CCDC3: variants seen among roughly 807,000 people sequenced by gnomAD.
CCDC3 encodes coiled-coil domain-containing protein 3.
A neutral mutation model predicts 21.4 loss-of-function variants in CCDC3; 24 were observed. That is an observed-to-expected ratio of 1.12 (90% CI 0.81 to 1.58). The LOEUF (loss-of-function observed/expected upper bound fraction) is 1.58. Ranked by LOEUF, CCDC3 falls within the 40% of genes most tolerant of loss-of-function variation. The pLI is 0.00. For missense variants in CCDC3, 425 were observed against 360.9 expected, an observed-to-expected ratio of 1.18 and a Z score of -1.44; for synonymous variants, 186 against 166.0, an observed-to-expected ratio of 1.12 and a Z score of -0.93.
At chr10:12,999,899 C>A (rs991200640) in intron 1 of CCDC3, among the ~76,000 whole-genome samples, 4 of 152,150 alleles carry the variant, frequency 2.6e-5, no homozygotes, top group African/African-American at 9.7e-5. Context: ...GTCTCACTGG[C>A]TTTATTTAGA....
intron 5 of CCDC3, among the ~76,000 whole-genome samples, chr10:13,046,967 A>C (rs960905629): frequency 2.8e-4 from 42 of 151,714 alleles, no homozygotes; most frequent in Non-Finnish European, 5.0e-4. Context: ...AAAAAAGAAG[A>C]AGCCAATCCA....
chr10:13,083,617 C>T (rs1837068621), intron 3 of CCDC3, among the ~76,000 whole-genome samples: 1 of 152,244 alleles, frequency 6.6e-6, no homozygotes, highest in South Asian at 2.1e-4. Context: ...TGCTCACAGG[C>T]ATGTCCCAGC....
At chr10:13,084,238 C>T (rs1477236851) in intron 3 of CCDC3, among the ~76,000 whole-genome samples, 1 of 151,988 alleles carries the variant, frequency 6.6e-6, no homozygotes, top group African/African-American at 2.4e-5. Context: ...GAACGCCCTA[C>T]CCTGTCTATG....
At chr10:13,018,955 C>T (rs914805326) in intron 5 of CCDC3, among the ~76,000 whole-genome samples, 10 of 151,644 alleles carry the variant, frequency 6.6e-5, no homozygotes, top group Non-Finnish European at 1.5e-4. Flanking sequence ...GAAAAAAGGC[C>T]GGGCGCAGTG....
intron 2 of CCDC3, among the ~76,000 whole-genome samples, chr10:12,923,659 C>T (rs1368389657): frequency 6.6e-6 from 1 of 152,128 alleles, no homozygotes; most frequent in Admixed American, 6.5e-5. Context: ...GCGTCCCGGT[C>T]ATTTCTATCC....
rs150372284 is a variant in CCDC3 at position 13,056,146 on chromosome 10, G to A, written c.-269-6205C>T. On this transcript the variant is annotated intron_variant, in intron 4 of 6. Transcript: ENST00000378839. ...TTCTAAACTTGTGTAACAGCCCAAC[G>A]TAGATCCAAGTCAATGCAGGGACTT... Among the ~76,000 whole-genome samples, 422 of 152,250 alleles carry A rather than the reference G, an allele frequency of 2.8e-3. 1 individual carries two copies. Among genetic ancestry groups the A allele is most frequent in the African/African-American group, 9.7e-3 (401 of 41,542 alleles).
intron 4 of CCDC3, among the ~76,000 whole-genome samples, chr10:13,066,256 C>G (rs1047067579): frequency 6.6e-6 from 1 of 152,126 alleles, no homozygotes; most frequent in Non-Finnish European, 1.5e-5. Context: ...CTCCCGGGCT[C>G]AGGTGATTCT....
chr10:12,976,894 T>G (rs747337326), intron 2 of CCDC3, among the ~76,000 whole-genome samples: 7 of 152,234 alleles, frequency 4.6e-5, no homozygotes, highest in Non-Finnish European at 7.3e-5. Context: ...CTATTTTTTA[T>G]AAACCAAACA....
At chr10:13,007,105 T>C (rs954186247) in intron 5 of CCDC3, among the ~76,000 whole-genome samples, 3 of 152,186 alleles carry the variant, frequency 2.0e-5, no homozygotes, top group African/African-American at 7.2e-5. Flanking sequence ...TCATAACTTT[T>C]CTAGAAAGAG....
At chr10:13,095,952 C>T (rs925405277) in intron 3 of CCDC3, among the ~76,000 whole-genome samples, 3 of 152,144 alleles carry the variant, frequency 2.0e-5, no homozygotes, top group African/African-American at 7.2e-5. Context: ...AACTACTGGT[C>T]TGATTTCTGT....
At chr10:13,087,337 G>C (rs1588421317) in intron 3 of CCDC3, among the ~76,000 whole-genome samples, 1 of 151,554 alleles carries the variant, frequency 6.6e-6, no homozygotes, top group South Asian at 2.1e-4. Flanking sequence ...CCAGGAGGTA[G>C]AGGTTGCGGT....
chr10:13,052,630 G>A (rs917557437), intron 4 of CCDC3, among the ~76,000 whole-genome samples: 1 of 151,924 alleles, frequency 6.6e-6, no homozygotes, highest in Non-Finnish European at 1.5e-5. Context: ...CATGTTAACA[G>A]TTCTACCAAT....
At chr10:13,037,234 C>T (rs1327757912) in intron 5 of CCDC3, among the ~76,000 whole-genome samples, 1 of 151,886 alleles carries the variant, frequency 6.6e-6, no homozygotes, top group African/African-American at 2.4e-5. Flanking sequence ...TTTTATCACA[C>T]ATTTCATCTA....
At chr10:12,987,837 G>A (rs1165480015) in intron 2 of CCDC3, among the ~76,000 whole-genome samples, 1 of 152,136 alleles carries the variant, frequency 6.6e-6, no homozygotes, top group Non-Finnish European at 1.5e-5. Flanking sequence ...GAACACAGGA[G>A]AGCGCCCCTT....
At chr10:12,926,778 G>T (rs1834547261) in intron 2 of CCDC3, among the ~76,000 whole-genome samples, 1 of 152,112 alleles carries the variant, frequency 6.6e-6, no homozygotes, top group African/African-American at 2.4e-5. Context: ...AAAGCTTGTA[G>T]GGCTATATTG....
intron 5 of CCDC3, among the ~76,000 whole-genome samples, chr10:13,029,268 G>A (rs1259470629): frequency 2.6e-5 from 4 of 152,092 alleles, no homozygotes; most frequent in Admixed American, 6.5e-5. Context: ...TGCAGCTGAC[G>A]GTCCTGACTG....
intron 5 of CCDC3, among the ~76,000 whole-genome samples, chr10:13,012,958 GA>G (rs1403332382): frequency 6.6e-6 from 1 of 151,910 alleles, no homozygotes; most frequent in Non-Finnish European, 1.5e-5. Context: ...TATTGCTGCC[GA>G]AAAAATAAAG....
In CCDC3 at chr10:13,010,277, T is replaced by C. The variant is rs2083379; in HGVS notation, c.-1-11765A>G. ...AAACAAAAAAACAAAAAACACTCAATGATGAGAAAACAAACAACCCAATAT... is the reference window on the plus strand; with the variant it reads ...AAACAAAAAAACAAAAAACACTCAACGATGAGAAAACAAACAACCCAATAT... On this transcript the variant is annotated intron_variant, in intron 5 of 6. Transcript: ENST00000378839. Among the ~76,000 whole-genome samples the C allele has an allele frequency of 5.3e-3, 798 of 151,556 alleles. 8 individuals are homozygous for C. The highest frequency in any genetic ancestry group is 0.018 in the African/African-American group (752 of 41,318).
intron 2 of CCDC3, among the ~76,000 whole-genome samples, chr10:12,900,880 T>C (rs1834082349): frequency 6.6e-6 from 1 of 152,042 alleles, no homozygotes; most frequent in Non-Finnish European, 1.5e-5. Flanking sequence ...TGGTCTGTAT[T>C]AGCCAGAACC....
Sources: allele counts gnomAD v4.1 joint callset (sites outside exome capture counted in the v4.1 genomes callset), GRCh38; gene constraint gnomAD v4.1.1; transcripts MANE v1.5; gene names NCBI Gene and HGNC (gene_info 2026-07-23, HGNC 2026-07-21).